The following TNFRSF11A variants were observed in gnomAD, a reference collection of about 807,000 sequenced individuals.
TNFRSF11A encodes the protein tumor necrosis factor receptor superfamily member 11A.
Under a neutral mutation model 55.7 loss-of-function variants are expected in TNFRSF11A, and 32 were observed. That is an observed-to-expected ratio of 0.57 (90% CI 0.43 to 0.77). The LOEUF (loss-of-function observed/expected upper bound fraction) is 0.77, where lower values mean the gene tolerates loss of function less well. Among genes scored for constraint, TNFRSF11A ranks in the 30% least tolerant of loss-of-function variants. TNFRSF11A has a pLI of 0.00. For missense variants in TNFRSF11A, 753 were observed against 809.8 expected (o/e 0.93, Z 0.85); for synonymous variants, 311 against 331.0 (o/e 0.94, Z 0.65).
chr18:62,344,449 A>G (rs1314112450), intron 1 of TNFRSF11A, among the ~76,000 whole-genome samples: 3 of 152,222 alleles, frequency 2.0e-5, no homozygotes, highest in Non-Finnish European at 4.4e-5. Context: ...GGCTGACAAA[A>G]TCACTCTATT....
chr18:62,385,040 C>A lies in TNFRSF11A; in HGVS notation c.*6C>A. 6.8e-7 allele frequency: 1 copy of A among 1,468,976 alleles called. No homozygotes were observed. Among genetic ancestry groups the A allele is most frequent in the Non-Finnish European group, 8.9e-7 (1 of 1,119,734 alleles). 91.0% of individuals were successfully genotyped at this position (1,468,976 alleles called of 1,614,324 possible). On this transcript the variant is annotated 3_prime_UTR_variant, in exon 10 of 10. Coordinates refer to ENST00000586569, the MANE Select transcript of TNFRSF11A (RefSeq NM_003839.4). ...AAGGCGGGGCCAAGGCTTGAGCGCC[C>A]CCCATGGCTGGGAGCCCGAAGCTCG...
chr18:62,346,033 T>C (rs888986905), intron 1 of TNFRSF11A, among the ~76,000 whole-genome samples: 1 of 152,178 alleles, frequency 6.6e-6, no homozygotes, highest in Admixed American at 6.5e-5. Flanking sequence ...AGGACACAGC[T>C]TGTGACATCT....
chr18:62,348,189 C>A lies in TNFRSF11A; in HGVS notation c.97C>A (p.Pro33Thr), dbSNP rs761031978. 2.5e-6 allele frequency: 4 copies of A among 1,614,122 alleles called. No homozygotes were observed. The highest frequency in any genetic ancestry group is 3.4e-6 in the Non-Finnish European group (4 of 1,180,020). Reference protein sequence around the residue: ...RLQVALQIAPPCTSEKHYEHL... With the variant: ...RLQVALQIAPTCTSEKHYEHL... ...TCAGGTGGCTTTGCAGATCGCTCCT[C>A]CATGTACCAGTGAGAAGCATTATGA... The change falls in exon 2 of 10, where the codon CCA (proline) becomes ACA (threonine). Residue 33 changes from proline (P) to threonine (T), a missense_variant. Pro to Thr is a conservative substitution (Grantham distance 38, BLOSUM62 -1). Around this residue, in one of 3 missense-constraint regions of TNFRSF11A, gnomAD observed 156 missense variants for 155.1 expected, o/e 1.01. Transcript: ENST00000586569.
chr18:62,387,308 A>G lies in TNFRSF11A; in HGVS notation c.*2274A>G, dbSNP rs1911803873. The G allele has an allele frequency of 6.6e-6, 1 of 151,814 alleles. No homozygotes were observed. Among genetic ancestry groups the G allele is most frequent in the Admixed American group, 6.6e-5 (1 of 15,262 alleles). The allele number at this position is 151,814 out of a possible 1,614,324, so 9.4% of individuals were successfully genotyped here. On this transcript the variant is annotated 3_prime_UTR_variant, in exon 10 of 10. Transcript: ENST00000586569. ...AGAAAATATAAGTCTGTGTCTGTGT[A>G]CTGTAGAGATGTATGTGACAAGTGT...
rs1911618944 is a variant in TNFRSF11A, at chr18:62,385,047, G to GC, written c.*14dup. 1.4e-6 allele frequency: 2 copies of GC among 1,464,914 alleles called. No homozygotes were observed. Among genetic ancestry groups the GC allele is most frequent in the Non-Finnish European group, 1.8e-6 (2 of 1,117,804 alleles). 90.7% of individuals were successfully genotyped at this position (1,464,914 alleles called of 1,614,324 possible). ...GGCCAAGGCTTGAGCGCCCCCCATG[G>GC]CTGGGAGCCCGAAGCTCGGAGCCAG... On this transcript the variant is annotated 3_prime_UTR_variant, in exon 10 of 10. Coordinates refer to ENST00000586569, the MANE Select transcript of TNFRSF11A (RefSeq NM_003839.4).
rs1911717464 is a variant in TNFRSF11A, at chr18:62,386,159, T to A, written c.*1125T>A. On this transcript the variant is annotated 3_prime_UTR_variant, in exon 10 of 10. Coordinates refer to ENST00000586569, the MANE Select transcript of TNFRSF11A (RefSeq NM_003839.4). Reference sequence around the variant, plus strand: ...AACTCCAAGTTGCTGCAGCTTGGCATTCTTCTTATTCTAGAGGTCTCTCTG... The same window carrying A: ...AACTCCAAGTTGCTGCAGCTTGGCAATCTTCTTATTCTAGAGGTCTCTCTG... 2.6e-5 allele frequency: 4 copies of A among 152,176 alleles called. No homozygotes were observed. 9.4% of individuals were successfully genotyped at this position (152,176 alleles called of 1,614,324 possible). A position where few individuals can be genotyped will look rare whatever the true frequency, so the allele number is the denominator to read the frequency against.
chr18:62,327,987 A>G (rs2046099002), intron 1 of TNFRSF11A, among the ~76,000 whole-genome samples: 1 of 152,242 alleles, frequency 6.6e-6, no homozygotes, highest in Non-Finnish European at 1.5e-5. Context: ...TCATTAAGGT[A>G]ATGGATTGTA....
At chr18:62,366,301 A>G (rs1910082673) in intron 7 of TNFRSF11A, among the ~76,000 whole-genome samples, 1 of 152,224 alleles carries the variant, frequency 6.6e-6, no homozygotes, top group Non-Finnish European at 1.5e-5. Context: ...GTGTTCCCCA[A>G]AAGTCAAATA....
rs1396001443 is a variant in TNFRSF11A at position 62,391,177 on chromosome 18, G to T, written c.*6143G>T. The stretch of plus-strand genomic sequence containing the variant: ...AGATCCATCGGTGGGTACACCAGTA[G>T]TTCCATTTTTTTTCTGAGTAGTAGT... On this transcript the variant is annotated 3_prime_UTR_variant, in exon 10 of 10. Transcript: ENST00000586569. The T allele has an allele frequency of 6.6e-6, 1 of 152,246 alleles. No individual in the cohort carries two copies. The highest frequency in any genetic ancestry group is 1.9e-4 in the East Asian group (1 of 5,200). 9.4% of individuals were successfully genotyped at this position (152,246 alleles called of 1,614,324 possible).
chr18:62,339,469 C>T (rs552654645), intron 1 of TNFRSF11A, among the ~76,000 whole-genome samples: 144 of 150,358 alleles, frequency 9.6e-4, no homozygotes, highest in Non-Finnish European at 1.5e-3. Context: ...TCCTCGTCCA[C>T]GATCAGGGAG....
At chr18:62,368,248 A>C (rs138976082) in intron 8 of TNFRSF11A, among the ~76,000 whole-genome samples, 1 of 152,106 alleles carries the variant, frequency 6.6e-6, no homozygotes, top group Non-Finnish European at 1.5e-5. Context: ...CCTGGCTCCT[A>C]TTATTCTCAG....
chr18:62,375,540 G>GT (rs1303681152), intron 9 of TNFRSF11A, among the ~76,000 whole-genome samples: 3 of 152,150 alleles, frequency 2.0e-5, no homozygotes, highest in African/African-American at 7.2e-5. Context: ...TGTAAGATTG[G>GT]TTCGATAGCC....
intron 1 of TNFRSF11A, among the ~76,000 whole-genome samples, chr18:62,342,401 CA>C (rs371734407): frequency 0.098 from 6,040 of 61,946 alleles, 171 homozygotes; most frequent in East Asian, 0.15. Flanking sequence ...GATTCTGTCT[CA>C]AAAAAAAAAA....
Position 62,364,042 on chromosome 18 carries a change from A to AG in TNFRSF11A, c.730+2251dup, listed in dbSNP as rs573707839. ...GAGGAAGCATCTTAGTGGGCAGGGT[A>AG]GGCGTTAAGCCCACAGAGGGAAGCT... On this transcript the variant is annotated intron_variant, in intron 7 of 9. Transcript: ENST00000586569. Among the ~76,000 whole-genome samples the AG allele has an allele frequency of 5.3e-4, 81 of 152,326 alleles. 1 individual carries two copies. The highest frequency in any genetic ancestry group is 1.9e-3 in the African/African-American group (78 of 41,580).
In TNFRSF11A at chr18:62,390,789, A is replaced by G. The variant is rs563783099; in HGVS notation, c.*5755A>G. The G allele has an allele frequency of 6.6e-6, 1 of 152,366 alleles. No homozygotes were observed. The highest frequency in any genetic ancestry group is 2.1e-4 in the South Asian group (1 of 4,832). 9.4% of individuals were successfully genotyped at this position (152,366 alleles called of 1,614,324 possible). A position where few individuals can be genotyped will look rare whatever the true frequency, so the allele number is the denominator to read the frequency against. Reference sequence around the variant, plus strand: ...AAAGAAACCATTAAAATGAATGTTTAAAGTTCTTAGAAGAGCTTTCTCTAA... The same window carrying G: ...AAAGAAACCATTAAAATGAATGTTTGAAGTTCTTAGAAGAGCTTTCTCTAA... On this transcript the variant is annotated 3_prime_UTR_variant, in exon 10 of 10. Coordinates refer to ENST00000586569, the MANE Select transcript of TNFRSF11A (RefSeq NM_003839.4).
At chr18:62,331,950 G>A (rs1223287596) in intron 1 of TNFRSF11A, among the ~76,000 whole-genome samples, 1 of 152,198 alleles carries the variant, frequency 6.6e-6, no homozygotes, top group Admixed American at 6.5e-5. Context: ...CCAAGTATCA[G>A]GAAGACCTGA....
chr18:62,354,303 G>T, intron 3 of TNFRSF11A, 88 bp from the exon 4 acceptor site: 1 of 1,446,732 alleles, frequency 6.9e-7, no homozygotes, highest in Non-Finnish European at 9.1e-7. Context: ...TGCTGCTCTG[G>T]GCTGGATGTT....
chr18:62,334,510 A>G (rs116698469), intron 1 of TNFRSF11A, among the ~76,000 whole-genome samples: 5,763 of 152,276 alleles, frequency 0.038, 178 homozygotes, highest in African/African-American at 0.082. Context: ...TTGGAGCCCC[A>G]GGGCAGCAGA....
intron 9 of TNFRSF11A, among the ~76,000 whole-genome samples, chr18:62,371,425 C>T (rs1910545186): frequency 6.6e-6 from 1 of 152,214 alleles, no homozygotes; most frequent in South Asian, 2.1e-4. Context: ...CTTTGCTCTC[C>T]TGTAAGAGTC....
Sources: allele counts gnomAD v4.1 joint callset (sites outside exome capture counted in the v4.1 genomes callset), GRCh38; gene constraint gnomAD v4.1.1; regional missense constraint gnomAD v4.1.1; transcripts MANE v1.5; gene names NCBI Gene and HGNC (gene_info 2026-07-23, HGNC 2026-07-21).